The following DVL2 variants were observed in gnomAD, a reference collection of about 807,000 sequenced individuals.
DVL2 encodes dishevelled segment polarity protein 2.
DVL2 carries 38 observed loss-of-function variants against 69.8 expected under a neutral mutation model. The observed-to-expected ratio is 0.54, with a 90% CI of 0.42 to 0.71. The LOEUF (loss-of-function observed/expected upper bound fraction) is 0.71. DVL2 is among the 30% of genes least tolerant of loss of function. DVL2 has a pLI of 0.00. For missense variants in DVL2, 931 were observed against 1,008.1 expected, an observed-to-expected ratio of 0.92 and a Z score of 1.04; for synonymous variants, 428 against 392.4, an observed-to-expected ratio of 1.09 and a Z score of -1.07.
chr17:7,231,013 AG>A (rs2071535006), intron 1 of DVL2, among the ~76,000 whole-genome samples: 1 of 152,194 alleles, frequency 6.6e-6, no homozygotes, highest in South Asian at 2.1e-4. Context: ...ACGCACCCTC[AG>A]GGGCACAGTG....
intron 9 of DVL2, 198 bp from the exon 10 acceptor site, chr17:7,228,242 G>C: frequency 1.9e-6 from 1 of 528,716 alleles, no homozygotes; most frequent in South Asian, 2.7e-5. Flanking sequence ...AAAACATACT[G>C]CCAAGTGAGA....
In DVL2 at chr17:7,225,778, C is replaced by G. The variant is rs1169858536; in HGVS notation, c.*87G>C. 9 of 1,207,560 alleles carry G rather than the reference C, an allele frequency of 7.5e-6. No individual in the cohort carries two copies. The East Asian group carries it at 1.4e-4, about 19-fold the overall frequency. The allele number at this position is 1,207,560 out of a possible 1,614,324, so 74.8% of individuals were successfully genotyped here. ...GTATGGCAGCAGCTGGTAGGCTGAG[C>G]CCAGGCACTGTAAGAGCAAGCACAT... On this transcript the variant is annotated 3_prime_UTR_variant, in exon 15 of 15. Transcript: ENST00000005340.
chr17:7,226,859 G>C, intron 13 of DVL2: 1 of 628,440 alleles, frequency 1.6e-6, no homozygotes, highest in East Asian at 2.8e-5. Context: ...TCAGGTAAGA[G>C]GTGCACCTTC....
Position 7,226,290 on chromosome 17 carries a change from G to T in DVL2, c.1786C>A (p.Arg596=), listed in dbSNP as rs973148117. 1.9e-6 allele frequency: 3 copies of T among 1,578,730 alleles called. No homozygotes were observed. The highest frequency in any genetic ancestry group is 2.6e-6 in the Non-Finnish European group (3 of 1,165,344). ...SEGSRSSGST[R]SDGGAGRTGR... Reference sequence around the variant, plus strand: ...GTGCGCCCTGCCCCCCCATCACTCCGTGTCGACCCACTGCTCCGGCTGCCT... The same window carrying T: ...GTGCGCCCTGCCCCCCCATCACTCCTTGTCGACCCACTGCTCCGGCTGCCT... The change falls in exon 15 of 15, where the codon CGG becomes AGG. Residue 596 remains arginine, a synonymous_variant. Coordinates refer to ENST00000005340, the MANE Select transcript of DVL2 (RefSeq NM_004422.3).
At position 7,227,209 on chromosome 17, in the gene DVL2, G is replaced by A. The variant is rs1444007711; in HGVS notation, c.1424C>T (p.Ala475Val). The A allele has an allele frequency of 6.2e-7, 1 of 1,610,756 alleles. No homozygotes were observed. Among genetic ancestry groups the A allele is most frequent in the Admixed American group, 1.7e-5 (1 of 59,878 alleles). The change falls in exon 13 of 15, where the codon GCC becomes GTC. Residue 475 changes from alanine (A) to valine (V), a missense_variant. Around this residue, in one of 3 missense-constraint regions of DVL2, gnomAD observed 62 missense variants for 105.7 expected, o/e 0.59. Coordinates refer to ENST00000005340, the MANE Select transcript of DVL2 (RefSeq NM_004422.3). ...HVEGFPERRE[A>V]RKYASGLLKA... ...GAGCAGCCCGCTGGCATACTTGCGGGCCTCCCGCCGCTCAGGAAAGCCCTC... is the reference window on the plus strand; with the variant it reads ...GAGCAGCCCGCTGGCATACTTGCGGACCTCCCGCCGCTCAGGAAAGCCCTC...
At position 7,229,284 on chromosome 17, in the gene DVL2, G is replaced by A. The variant is rs776191495; in HGVS notation, c.818-10C>T. The A allele has an allele frequency of 4.3e-6, 7 of 1,613,594 alleles. No homozygotes were observed. The highest frequency in any genetic ancestry group is 2.2e-5 in the East Asian group (1 of 44,898). On this transcript the variant is annotated splice_polypyrimidine_tract_variant and intron_variant, in intron 7 of 14. Coordinates refer to ENST00000005340, the MANE Select transcript of DVL2 (RefSeq NM_004422.3). The surrounding 1 kb of genome is among the most constrained non-coding windows in gnomAD (Gnocchi z 4.4). ...AGGAAGTTGTACTTCTCTGTGGAGA[G>A]AGGCCATGTGAAAAGAGGAGCCCCT...
Position 7,226,534 on chromosome 17 carries a change from G to A in DVL2, c.1649C>T (p.Thr550Ile). The change falls in exon 14 of 15, where the codon ACT (threonine) becomes ATT (isoleucine). Residue 550 changes from threonine (T) to isoleucine (I), a missense_variant. By Grantham distance (89) the Thr-to-Ile change is moderately conservative. Transcript: ENST00000005340. The stretch of plus-strand genomic sequence containing the variant: ...TGGGGCAGGGTATTGGTAGGAGAAA[G>A]TGGGCAGCAGGGGCCAGGGGGTGGC... Reference protein sequence around the residue: ...PGATPWPLLPTFSYQYPAPHP... With the variant: ...PGATPWPLLPIFSYQYPAPHP... 1 of 1,609,176 alleles carries A rather than the reference G, an allele frequency of 6.2e-7. No individual in the cohort carries two copies. Among genetic ancestry groups the A allele is most frequent in the South Asian group, 1.1e-5 (1 of 90,600 alleles).
In DVL2 at chr17:7,225,813, G is replaced by C. The variant is rs2071434781; in HGVS notation, c.*52C>G. ...GTAAGAGCAAGCACATGACGGCCAG[G>C]ACACCCAGTCACACACCAGGAGCGC... is the stretch of plus-strand genomic sequence containing the variant. On this transcript the variant is annotated 3_prime_UTR_variant, in exon 15 of 15. Coordinates refer to ENST00000005340, the MANE Select transcript of DVL2 (RefSeq NM_004422.3). 3.3e-6 allele frequency: 5 copies of C among 1,498,206 alleles called. No homozygotes were observed. Among genetic ancestry groups the C allele is most frequent in the Middle Eastern group, 2.0e-4 (1 of 5,064 alleles). 92.8% of individuals were successfully genotyped at this position (1,498,206 alleles called of 1,614,324 possible).
At chr17:7,226,969 A>G (rs1475551593) in intron 13 of DVL2, 121 bp downstream of exon 13, 4 of 1,000,538 alleles carry the variant, frequency 4.0e-6, no homozygotes, top group African/African-American at 1.6e-5. Flanking sequence ...CTAGTGCGGG[A>G]CACACACTGC....
At position 7,227,124 on chromosome 17, in the gene DVL2, G is replaced by A. The variant is rs760509470; in HGVS notation, c.1509C>T (p.Tyr503=). ...AGCCACCACTGAGGTCTCCGAAGACGTAATAGCACTGCTCAGAGAAGGTGA... is the reference window on the plus strand; with the variant it reads ...AGCCACCACTGAGGTCTCCGAAGACATAATAGCACTGCTCAGAGAAGGTGA... ...NKITFSEQCY[Y]VFGDLSGGCE... Residue 503 remains tyrosine, a synonymous_variant, in exon 13 of 15, where the codon TAC becomes TAT. Coordinates refer to ENST00000005340, the MANE Select transcript of DVL2 (RefSeq NM_004422.3). 107 of 1,613,752 alleles carry A rather than the reference G, an allele frequency of 6.6e-5. No individual in the cohort carries two copies. The highest frequency in any genetic ancestry group is 1.1e-4 in the South Asian group (10 of 91,066).
chr17:7,230,144 GAC>G lies in DVL2; in HGVS notation c.420_421del (p.Ser141GlnfsTer4). On this transcript the variant is annotated frameshift_variant, in exon 4 of 15. Transcript: ENST00000005340. LOFTEE classifies it high-confidence loss of function. ...AGGCTCCAGATTCTCATGGCTGCTG[GAC>G]ACATTAGGGCTGGACAGGCAGAGAT... 1 of 1,614,126 alleles carries G rather than the reference GAC, an allele frequency of 6.2e-7. No individual in the cohort carries two copies. The highest frequency in any genetic ancestry group is 8.5e-7 in the Non-Finnish European group (1 of 1,180,008).
chr17:7,226,996 G>A (rs1341248222), intron 13 of DVL2, 94 bp downstream of exon 13: 1 of 1,277,474 alleles, frequency 7.8e-7, no homozygotes, highest in South Asian at 1.4e-5. Flanking sequence ...ATCCATGGTG[G>A]CCCTGGCTGC....
Position 7,234,380 on chromosome 17 carries a change from G to T in DVL2, c.-118C>A. The T allele has an allele frequency of 2.5e-6, 3 of 1,198,408 alleles. No homozygotes were observed. Among genetic ancestry groups the T allele is most frequent in the East Asian group, 2.5e-5 (1 of 39,478 alleles). 74.2% of individuals were successfully genotyped at this position (1,198,408 alleles called of 1,614,324 possible). A position where few individuals can be genotyped will look rare whatever the true frequency, so the allele number is the denominator to read the frequency against. Reference sequence around the variant, plus strand: ...CGCGGACAGGACTGACCCAGTACGGGAGAGAAGCAAAGGGGAAAAAGCACG... The same window carrying T: ...CGCGGACAGGACTGACCCAGTACGGTAGAGAAGCAAAGGGGAAAAAGCACG... On this transcript the variant is annotated 5_prime_UTR_variant, in exon 1 of 15. Coordinates refer to ENST00000005340, the MANE Select transcript of DVL2 (RefSeq NM_004422.3).
chr17:7,233,411 A>G (rs898813510), intron 1 of DVL2, among the ~76,000 whole-genome samples: 2 of 152,038 alleles, frequency 1.3e-5, no homozygotes, highest in Admixed American at 6.5e-5. Context: ...GGATTAACCA[A>G]TACAACCCAG....
intron 1 of DVL2, 47 bp from the exon 2 acceptor site, chr17:7,230,844 C>T (rs763098195): frequency 6.2e-6 from 9 of 1,442,672 alleles, no homozygotes; most frequent in Non-Finnish European, 8.6e-6. Context: ...CAACCATCCC[C>T]ACCCCGACCC....
chr17:7,229,165 C>A lies in DVL2; in HGVS notation c.927G>T (p.Gly309=), dbSNP rs1300076189. 2 of 1,614,070 alleles carry A rather than the reference C, an allele frequency of 1.2e-6. No individual in the cohort carries two copies. The highest frequency in any genetic ancestry group is 2.7e-5 in the African/African-American group (2 of 74,922). The change falls in exon 8 of 15, where the codon GGG becomes GGT. Residue 309 remains glycine (G), a synonymous_variant. Transcript: ENST00000005340. This position sits in a 1 kb window ranked among gnomAD's most constrained non-coding sequence, Gnocchi z 4.4. ...IMKGGAVAAD[G]RIEPGDMLLQ... ...AAAGCATGTCCCCTGGCTCAATGCGCCCGTCGGCCGCCACAGCCCCACCCT... is the reference window on the plus strand; with the variant it reads ...AAAGCATGTCCCCTGGCTCAATGCGACCGTCGGCCGCCACAGCCCCACCCT...
At chr17:7,226,808 G>A (rs2071459994) in intron 13 of DVL2, 169 bp from the exon 14 acceptor site, 3 of 650,910 alleles carry the variant, frequency 4.6e-6, no homozygotes, top group Non-Finnish European at 5.1e-6. Context: ...CTTCTGCCAT[G>A]AGGGCAGGGG....
At chr17:7,228,093 C>A (rs1170841726) in intron 9 of DVL2, 49 bp from the exon 10 acceptor site, 1 of 1,462,252 alleles carries the variant, frequency 6.8e-7, no homozygotes, top group African/African-American at 1.4e-5. Flanking sequence ...GAGGAGGCCT[C>A]AGGAGGGCGG....
rs867196773 is a variant in DVL2 at position 7,230,526 on chromosome 17, G to A, written c.265-96C>T. 9.0e-5 allele frequency: 136 copies of A among 1,514,134 alleles called. No individual in the cohort carries two copies. In the Admixed American group the frequency reaches 1.6e-3, roughly 17 times the overall value. 93.8% of individuals were successfully genotyped at this position (1,514,134 alleles called of 1,614,324 possible). ...GAATGAGAAAGGGTCTCAGAGAGCT[G>A]GAGAAGAGCAAAAAAACCTAGCAAG... On this transcript the variant is annotated intron_variant, in intron 2 of 14. Coordinates refer to ENST00000005340, the MANE Select transcript of DVL2 (RefSeq NM_004422.3).
Sources: allele counts gnomAD v4.1 joint callset (sites outside exome capture counted in the v4.1 genomes callset), GRCh38; gene constraint gnomAD v4.1.1; regional missense constraint gnomAD v4.1.1; non-coding constraint Gnocchi (gnomAD v3.1); transcripts MANE v1.5; gene names NCBI Gene and HGNC (gene_info 2026-07-23, HGNC 2026-07-21).